Variants in PGD observed in about 807,000 individuals in gnomAD.
PGD encodes the protein phosphogluconate dehydrogenase.
PGD carries 21 observed loss-of-function variants against 60.4 expected under a neutral mutation model. The ratio of observed to expected loss-of-function variants is 0.35; its 90% CI spans 0.25 to 0.50. The LOEUF (loss-of-function observed/expected upper bound fraction) is 0.50. Among genes scored for constraint, PGD ranks in the 20% least tolerant of loss-of-function variants. The pLI, the probability that PGD is intolerant of heterozygous loss-of-function variation, is 0.98. For synonymous variants in PGD, 230 were observed against 235.9 expected (o/e 0.97, Z 0.23); for missense variants, 477 against 613.1 (o/e 0.78, Z 2.34).
At position 10,413,217 on chromosome 1, in the gene PGD, C is replaced by T. The variant is rs773445767; in HGVS notation, c.810C>T (p.Ser270=). The change falls in exon 8 of 13, where the codon TCC becomes TCT. Residue 270 remains serine, a synonymous_variant. Transcript: ENST00000270776. Reference sequence around the variant, plus strand: ...GCACAGGGAAGTGGACCGCCATCTCCGCCCTGGAATACGGCGTACCCGTCA... The same window carrying T: ...GCACAGGGAAGTGGACCGCCATCTCTGCCCTGGAATACGGCGTACCCGTCA... The part of the protein sequence containing the change: ...QKGTGKWTAI[S]ALEYGVPVTL... The T allele has an allele frequency of 4.2e-5, 68 of 1,614,070 alleles. No homozygotes were observed. The highest frequency in any genetic ancestry group is 5.3e-5 in the African/African-American group (4 of 74,930).
At chr1:10,417,655 T>A in intron 10 of PGD, 146 bp downstream of exon 10, 1 of 726,236 alleles carries the variant, frequency 1.4e-6, no homozygotes. Flanking sequence ...GCTTAGATTA[T>A]GTGGTTCCCT....
At chr1:10,401,985 A>G (rs1429259533) in intron 3 of PGD, among the ~76,000 whole-genome samples, 2 of 152,184 alleles carry the variant, frequency 1.3e-5, no homozygotes, top group Non-Finnish European at 1.5e-5. Context: ...ACTGCATTGC[A>G]GCCTGGGTGA....
At chr1:10,417,544 G>T (rs779216782) in intron 10 of PGD, 35 bp downstream of exon 10, 2 of 1,583,852 alleles carry the variant, frequency 1.3e-6, no homozygotes, top group Admixed American at 1.8e-5. Flanking sequence ...CGACGGGAAG[G>T]ACTCACACGG....
chr1:10,419,314 G>T, intron 11 of PGD, 103 bp from the exon 12 acceptor site: 1 of 1,497,908 alleles, frequency 6.7e-7, no homozygotes, highest in Non-Finnish European at 9.0e-7. Flanking sequence ...ACCGCGCCTG[G>T]CCTAACCATC....
chr1:10,400,279 G>C, intron 2 of PGD, 114 bp from the exon 3 acceptor site: 1 of 725,078 alleles, frequency 1.4e-6, no homozygotes, highest in South Asian at 1.8e-5. Context: ...AAAGGCAAAG[G>C]CAGGTCTGAC....
chr1:10,400,690 A>G, intron 3 of PGD, 118 bp downstream of exon 3: 1 of 739,472 alleles, frequency 1.4e-6, no homozygotes, highest in Non-Finnish European at 2.2e-6. Context: ...CTAAGCTCTG[A>G]CCAAATGATT....
chr1:10,408,015 A>C, intron 5 of PGD, 56 bp from the exon 6 acceptor site: 1 of 1,001,652 alleles, frequency 1.0e-6, no homozygotes, highest in African/African-American at 1.6e-5. Context: ...GTCTATGGGT[A>C]TGGGCTCTCA....
intron 8 of PGD, among the ~76,000 whole-genome samples, chr1:10,416,589 C>T (rs1449904365): frequency 6.6e-6 from 1 of 152,148 alleles, no homozygotes; most frequent in Non-Finnish European, 1.5e-5. Flanking sequence ...TTTTAATCAC[C>T]TGGGTGCAGG....
chr1:10,400,324 G>T, intron 2 of PGD, 69 bp from the exon 3 acceptor site: 2 of 1,216,708 alleles, frequency 1.6e-6, no homozygotes, highest in Non-Finnish European at 2.4e-6. Context: ...AAAGGTCATT[G>T]TTACTTTGGC....
intron 6 of PGD, among the ~76,000 whole-genome samples, chr1:10,410,384 C>T (rs2765548): frequency 6.6e-6 from 1 of 151,734 alleles, no homozygotes; most frequent in Non-Finnish European, 1.5e-5. Context: ...AGGTGTTGTG[C>T]TGAGCCAAGA....
chr1:10,415,944 T>C (rs1412927115), intron 8 of PGD, among the ~76,000 whole-genome samples: 1 of 152,060 alleles, frequency 6.6e-6, no homozygotes, highest in Non-Finnish European at 1.5e-5. Flanking sequence ...CCGTAAAATA[T>C]AAAAACCTAA....
At chr1:10,399,477 C>T (rs1639272936) in intron 1 of PGD, 152 bp from the exon 2 acceptor site, 1 of 693,550 alleles carries the variant, frequency 1.4e-6, no homozygotes, top group Admixed American at 2.5e-5. Context: ...CGAGGCTCTG[C>T]AGCGTGCGCG....
chr1:10,418,853 A>G lies in PGD; in HGVS notation c.1137A>G (p.Ala379=), dbSNP rs763839432. Residue 379 remains alanine (A), a synonymous_variant, in exon 11 of 13, where the codon GCA becomes GCG. Transcript: ENST00000270776. ...RSVFLGKIKD[A]FDRNPELQNL... ...TATTCCTAGGAAAGATAAAGGATGCATTTGATCGAAACCCGGAACTTCAGA... is the reference window on the plus strand; with the variant it reads ...TATTCCTAGGAAAGATAAAGGATGCGTTTGATCGAAACCCGGAACTTCAGA... 5 of 1,607,776 alleles carry G rather than the reference A, an allele frequency of 3.1e-6. No homozygotes were observed. In the South Asian group the frequency reaches 3.3e-5, roughly 11 times the overall value.
rs750638465 is a variant in PGD, at chr1:10,418,898, CTTT to C, written c.1183_1185del (p.Phe395del). The C allele has an allele frequency of 6.2e-7, 1 of 1,610,650 alleles. No individual in the cohort carries two copies. Among genetic ancestry groups the C allele is most frequent in the Non-Finnish European group, 8.5e-7 (1 of 1,177,076 alleles). On this transcript the variant is annotated inframe_deletion, in exon 11 of 13. Transcript: ENST00000270776. Reference sequence around the variant, plus strand: ...TTCAGAACCTCCTACTGGACGACTTCTTTAAGTCAGCTGTTGAAAACTGCCAGG... The same window carrying C: ...TTCAGAACCTCCTACTGGACGACTTCAAGTCAGCTGTTGAAAACTGCCAGG...
At chr1:10,402,784 A>C (rs990260306) in intron 3 of PGD, among the ~76,000 whole-genome samples, 7 of 151,896 alleles carry the variant, frequency 4.6e-5, no homozygotes, top group African/African-American at 1.5e-4. Flanking sequence ...CGGCCTCCCA[A>C]AGTGCTGGGA....
chr1:10,416,950 C>A (rs1639604569), intron 8 of PGD, 37 bp from the exon 9 acceptor site: 1 of 1,606,428 alleles, frequency 6.2e-7, no homozygotes, highest in South Asian at 1.1e-5. Flanking sequence ...AGAGGCCTGA[C>A]AGTAATCTGT....
intron 4 of PGD, 122 bp from the exon 5 acceptor site, chr1:10,404,039 G>C (rs1377682802): frequency 1.4e-5 from 10 of 692,806 alleles, no homozygotes. Context: ...GTAAATGTAG[G>C]CTCTCCATTC....
Position 10,419,701 on chromosome 1 carries a change from C to G in PGD, c.1404C>G (p.Asn468Lys), listed in dbSNP as rs981780508. 14 of 1,614,098 alleles carry G rather than the reference C, an allele frequency of 8.7e-6. No homozygotes were observed. Among genetic ancestry groups the G allele is most frequent in the Non-Finnish European group, 1.2e-5 (14 of 1,180,036 alleles). The part of the protein sequence containing the change: ...LAKPGQFIHT[N>K]WTGHGGTVSS... ...AACCAGGGCAGTTTATCCACACCAA[C>G]TGGACAGGCCATGGTGGCACCGTGT... The change falls in exon 13 of 13, where the codon AAC (asparagine) becomes AAG (lysine). Residue 468 changes from asparagine to lysine, a missense_variant. Transcript: ENST00000270776.
chr1:10,408,904 C>T (rs375880961), intron 6 of PGD, among the ~76,000 whole-genome samples: 235 of 152,302 alleles, frequency 1.5e-3, no homozygotes, highest in African/African-American at 5.2e-3. Flanking sequence ...CGCCACCATG[C>T]CCGGCCTCGT....
Sources: gnomAD v4.1 joint callset for allele counts (sites outside exome capture counted in the v4.1 genomes callset) on GRCh38, gnomAD v4.1.1 for gene constraint, MANE v1.5 for transcripts, NCBI Gene and HGNC (gene_info 2026-07-23, HGNC 2026-07-21) for gene names.